Variants in DSCAML1 observed in about 807,000 individuals in gnomAD.
The protein encoded by DSCAML1 is cell adhesion molecule DSCAML1.
Under a neutral mutation model 200.5 loss-of-function variants are expected in DSCAML1, and 38 were observed. The observed-to-expected ratio is 0.19, with a 90% CI of 0.15 to 0.25. The LOEUF (loss-of-function observed/expected upper bound fraction) is 0.25, where lower values mean the gene tolerates loss of function less well. DSCAML1 is among the 10% of genes least tolerant of loss of function. The pLI is 1.00. For missense variants in DSCAML1, 2,223 were observed against 2,858.8 expected (o/e 0.78, Z 5.07); for synonymous variants, 1,215 against 1,165.0 (o/e 1.04, Z -0.87).
intron 3 of DSCAML1, among the ~76,000 whole-genome samples, chr11:117,572,011 G>A (rs1237114569): frequency 2.0e-5 from 3 of 152,164 alleles, no homozygotes; most frequent in African/African-American, 4.8e-5. Context: ...AAAAAGGGGA[G>A]GCATGAATAA....
At chr11:117,669,597 A>G (rs2053058520) in intron 3 of DSCAML1, among the ~76,000 whole-genome samples, 1 of 152,250 alleles carries the variant, frequency 6.6e-6, no homozygotes, top group African/African-American at 2.4e-5. Flanking sequence ...TAGGAAGACC[A>G]GATTAAAAAC....
At chr11:117,468,131 A>G (rs1244554971) in intron 16 of DSCAML1, among the ~76,000 whole-genome samples, 1 of 152,128 alleles carries the variant, frequency 6.6e-6, no homozygotes, top group Non-Finnish European at 1.5e-5. Context: ...AAACAGCCAC[A>G]GTCAGGATTT....
At chr11:117,659,105 G>A (rs751418284) in intron 3 of DSCAML1, among the ~76,000 whole-genome samples, 1 of 152,220 alleles carries the variant, frequency 6.6e-6, no homozygotes, top group Non-Finnish European at 1.5e-5. Flanking sequence ...CAGAGTTCCT[G>A]GGAGCAAGAA....
chr11:117,513,036 C>A (rs1038938331), intron 8 of DSCAML1, among the ~76,000 whole-genome samples: 8 of 152,268 alleles, frequency 5.3e-5, no homozygotes, highest in African/African-American at 1.9e-4. Context: ...AGCCAACAAA[C>A]CCGACCAAAT....
chr11:117,519,911 C>A (rs1592692376), intron 6 of DSCAML1, among the ~76,000 whole-genome samples: 1 of 152,194 alleles, frequency 6.6e-6, no homozygotes, highest in South Asian at 2.1e-4. Flanking sequence ...GTGCCTCACA[C>A]CTTCAAGGAG....
In DSCAML1 at chr11:117,480,620, C is replaced by G. The variant is rs576067025; in HGVS notation, c.2657-49G>C. The G allele has an allele frequency of 6.5e-7, 1 of 1,545,810 alleles. No individual in the cohort carries two copies. Among genetic ancestry groups the G allele is most frequent in the Non-Finnish European group, 8.7e-7 (1 of 1,144,440 alleles). On this transcript the variant is annotated intron_variant, in intron 13 of 32. Transcript: ENST00000651296. This position sits in a 1 kb window ranked among gnomAD's most constrained non-coding sequence, Gnocchi z 4.1. ...GGGAAGTGAGGAGGGCAGCAGGGAG[C>G]TTGGCCTCCTGCTTGGCCCTGAGGA... is the stretch of plus-strand genomic sequence containing the variant.
intron 3 of DSCAML1, among the ~76,000 whole-genome samples, chr11:117,564,433 G>A (rs7940044): frequency 0.3 from 45,702 of 152,078 alleles, 7,102 homozygotes; most frequent in Admixed American, 0.35. Context: ...GCTCTGCTCT[G>A]GAACAATCAT....
At chr11:117,714,761 G>T (rs1435865897) in intron 3 of DSCAML1, among the ~76,000 whole-genome samples, 10 of 149,172 alleles carry the variant, frequency 6.7e-5, no homozygotes, top group Non-Finnish European at 8.9e-5. Flanking sequence ...GGTGGAGGTC[G>T]CAGTGAACCG....
intron 3 of DSCAML1, among the ~76,000 whole-genome samples, chr11:117,632,111 G>A (rs996975573): frequency 1.3e-5 from 2 of 152,196 alleles, no homozygotes; most frequent in Non-Finnish European, 1.5e-5. Context: ...CAGCAGACAC[G>A]ACCGGAGGCT....
chr11:117,708,816 G>A (rs7934773), intron 3 of DSCAML1, among the ~76,000 whole-genome samples: 8,883 of 152,246 alleles, frequency 0.058, 374 homozygotes, highest in East Asian at 0.12. Context: ...TCACTCCAGA[G>A]AGCCAGACAC....
intron 3 of DSCAML1, among the ~76,000 whole-genome samples, chr11:117,595,416 G>C (rs2051345561): frequency 6.6e-6 from 1 of 152,136 alleles, no homozygotes; most frequent in Non-Finnish European, 1.5e-5. Context: ...TTTTTTGGAA[G>C]GGTGATGGAG....
At chr11:117,567,744 C>G (rs1158203688) in intron 3 of DSCAML1, among the ~76,000 whole-genome samples, 4 of 151,982 alleles carry the variant, frequency 2.6e-5, no homozygotes, top group Non-Finnish European at 4.4e-5. Flanking sequence ...GCTTACCAAC[C>G]AAAAAGAGTC....
At chr11:117,515,071 C>T (rs900769482) in intron 8 of DSCAML1, among the ~76,000 whole-genome samples, 3 of 152,234 alleles carry the variant, frequency 2.0e-5, no homozygotes, top group African/African-American at 4.8e-5. Context: ...CAGCCTGCTG[C>T]GATAGCCCAG....
chr11:117,643,087 G>A (rs1025438391), intron 3 of DSCAML1, among the ~76,000 whole-genome samples: 2 of 152,136 alleles, frequency 1.3e-5, no homozygotes, highest in Non-Finnish European at 2.9e-5. Flanking sequence ...TCTACCTTGT[G>A]TTCTCTTTAT....
At chr11:117,764,378 C>T (rs911217127) in intron 3 of DSCAML1, among the ~76,000 whole-genome samples, 10 of 152,168 alleles carry the variant, frequency 6.6e-5, no homozygotes, top group African/African-American at 2.2e-4. Context: ...TACACATGCA[C>T]GCATATATAT....
intron 3 of DSCAML1, among the ~76,000 whole-genome samples, chr11:117,662,245 A>G (rs953811919): frequency 1.3e-5 from 2 of 152,244 alleles, no homozygotes; most frequent in African/African-American, 4.8e-5. Context: ...AAGTATTCAG[A>G]GAAGAGAAGG....
rs150682070 is a variant in DSCAML1 at position 117,458,755 on chromosome 11, G to A, written c.3567C>T (p.Asp1189=). The change falls in exon 19 of 33, where the codon GAC becomes GAT. Residue 1189 remains aspartate, a splice_region_variant and synonymous_variant. Coordinates refer to ENST00000651296, the MANE Select transcript of DSCAML1 (RefSeq NM_020693.4). ...TCCCAAGGAGAGGCCTGGACTCACC[G>A]TCCTCCTTGGTCTGGATGTAGAGCA... is the stretch of plus-strand genomic sequence containing the variant. ...SSVLYIQTKE[D]VPGPPAGIKA... The A allele has an allele frequency of 1.3e-4, 206 of 1,612,490 alleles. No individual in the cohort carries two copies. Among genetic ancestry groups the A allele is most frequent in the Admixed American group, 4.7e-4 (28 of 59,984 alleles).
chr11:117,660,643 G>T (rs12417881), intron 3 of DSCAML1, among the ~76,000 whole-genome samples: 1 of 152,004 alleles, frequency 6.6e-6, no homozygotes, highest in Non-Finnish European at 1.5e-5. Flanking sequence ...TGTAAACAAC[G>T]TAAGTCCCTC....
At chr11:117,648,124 C>A (rs1337320321) in intron 3 of DSCAML1, among the ~76,000 whole-genome samples, 1 of 152,244 alleles carries the variant, frequency 6.6e-6, no homozygotes, top group East Asian at 1.9e-4. Flanking sequence ...ATCTCCCTTT[C>A]TCCACCAGCA....
Sources: gnomAD v4.1 joint callset for allele counts (sites outside exome capture counted in the v4.1 genomes callset) on GRCh38, gnomAD v4.1.1 for gene constraint, Gnocchi (gnomAD v3.1) non-coding constraint, MANE v1.5 for transcripts, NCBI Gene and HGNC (gene_info 2026-07-23, HGNC 2026-07-21) for gene names.